The following WWC1 variants were observed in gnomAD, a reference collection of about 807,000 sequenced individuals.
WWC1 encodes protein KIBRA.
A neutral mutation model predicts 138.4 loss-of-function variants in WWC1; 55 were observed. That is an observed-to-expected ratio of 0.40 (90% CI 0.32 to 0.50). The LOEUF (loss-of-function observed/expected upper bound fraction) is 0.50, where lower values mean the gene tolerates loss of function less well. Ranked by LOEUF, WWC1 falls within the 20% of genes least tolerant of loss-of-function variation. The pLI is 0.72. For missense variants in WWC1, 1,226 were observed against 1,420.4 expected, an observed-to-expected ratio of 0.86 and a Z score of 2.20; for synonymous variants, 524 against 564.9, an observed-to-expected ratio of 0.93 and a Z score of 1.03.
rs369197420 is a variant in WWC1 at position 168,471,233 on chromosome 5, C to T, written c.*2216C>T. 1.2e-4 allele frequency: 18 copies of T among 152,770 alleles called. No homozygotes were observed. The highest frequency in any genetic ancestry group is 4.3e-4 in the African/African-American group (18 of 41,426). The allele number at this position is 152,770 out of a possible 1,614,324, so 9.5% of individuals were successfully genotyped here. On this transcript the variant is annotated 3_prime_UTR_variant, in exon 23 of 23. Transcript: ENST00000265293. ...TGGTGTAGAATCTACTCTTCTTCCC[C>T]CTGTGGCTTCCAGGCCCCCCTGTAT... is the stretch of plus-strand genomic sequence containing the variant.
chr5:168,293,156 C>G (rs1017360868), intron 1 of WWC1, among the ~76,000 whole-genome samples: 6 of 152,178 alleles, frequency 3.9e-5, no homozygotes, highest in Admixed American at 1.3e-4. Flanking sequence ...TCTTACCTCT[C>G]CAGACTTTCT....
At chr5:168,337,137 C>T (rs1773544630) in intron 1 of WWC1, among the ~76,000 whole-genome samples, 1 of 152,164 alleles carries the variant, frequency 6.6e-6, no homozygotes, top group South Asian at 2.1e-4. Flanking sequence ...GCCATCTACA[C>T]CAACTGATGC....
chr5:168,440,235 A>G (rs1365392217), intron 15 of WWC1, among the ~76,000 whole-genome samples: 1 of 152,250 alleles, frequency 6.6e-6, no homozygotes, highest in Non-Finnish European at 1.5e-5. Context: ...AGAGCAATGC[A>G]AATCAAAACC....
intron 11 of WWC1, among the ~76,000 whole-genome samples, chr5:168,424,663 G>A (rs1781368966): frequency 6.6e-6 from 1 of 152,184 alleles, no homozygotes; most frequent in Admixed American, 6.5e-5. Flanking sequence ...TCAGAGCAAG[G>A]GACTAGAAGG....
At chr5:168,338,507 G>A (rs977100189) in intron 1 of WWC1, among the ~76,000 whole-genome samples, 1 of 151,086 alleles carries the variant, frequency 6.6e-6, no homozygotes, top group Non-Finnish European at 1.5e-5. Flanking sequence ...CGCCTCCCGG[G>A]TTCAAGCGGT....
At chr5:168,406,816 C>G (rs551788726) in intron 6 of WWC1, among the ~76,000 whole-genome samples, 82 of 151,996 alleles carry the variant, frequency 5.4e-4, no homozygotes, top group Non-Finnish European at 9.4e-4. Context: ...GTGGCGGGCG[C>G]CTGTAGTCCC....
At chr5:168,366,963 A>C (rs1776345599) in intron 1 of WWC1, among the ~76,000 whole-genome samples, 1 of 151,414 alleles carries the variant, frequency 6.6e-6, no homozygotes, top group African/African-American at 2.4e-5. Flanking sequence ...ATGCCCAGCT[A>C]ATTTTTGTAT....
intron 1 of WWC1, among the ~76,000 whole-genome samples, chr5:168,356,101 G>A (rs1775392105): frequency 6.6e-6 from 1 of 152,242 alleles, no homozygotes; most frequent in South Asian, 2.1e-4. Context: ...GGTAGGACAT[G>A]GAGAGTGAAC....
Position 168,423,830 on chromosome 5 carries a change from G to A in WWC1, c.1572G>A (p.Leu524=), listed in dbSNP as rs1397625669. 5.6e-6 allele frequency: 9 copies of A among 1,613,992 alleles called. No individual in the cohort carries two copies. Among genetic ancestry groups the A allele is most frequent in the Middle Eastern group, 1.6e-4 (1 of 6,084 alleles). Residue 524 remains leucine, a synonymous_variant, in exon 11 of 23, where the codon CTG becomes CTA. Transcript: ENST00000265293. ...GCCGCCTGCAGGCTCTGCGTTCCCTGTCTGGCACCCCAAAGTCCATGACCT... is the reference window on the plus strand; with the variant it reads ...GCCGCCTGCAGGCTCTGCGTTCCCTATCTGGCACCCCAAAGTCCATGACCT... ...GGGRLQALRS[L]SGTPKSMTSL... is the part of the protein sequence containing the mutation.
At chr5:168,453,862 T>A in intron 17 of WWC1, 106 bp from the exon 18 acceptor site, 1 of 1,541,936 alleles carries the variant, frequency 6.5e-7, no homozygotes, top group South Asian at 1.2e-5. Context: ...AAAATATATC[T>A]TCAATCATCA....
rs1430774185 is a variant in WWC1 at position 168,472,274 on chromosome 5, A to G, written c.*3257A>G. On this transcript the variant is annotated 3_prime_UTR_variant, in exon 23 of 23. Coordinates refer to ENST00000265293, the MANE Select transcript of WWC1 (RefSeq NM_015238.3). ...CATTCCATTGTTTGCCTAGAGAGAA[A>G]TTTAAAAATAAATAAATGTTCACTT... 1 of 152,242 alleles carries G rather than the reference A, an allele frequency of 6.6e-6. No individual in the cohort carries two copies. The highest frequency in any genetic ancestry group is 1.5e-5 in the Non-Finnish European group (1 of 68,048). 9.4% of individuals were successfully genotyped at this position (152,242 alleles called of 1,614,324 possible).
intron 5 of WWC1, among the ~76,000 whole-genome samples, chr5:168,403,228 A>T (rs1182134448): frequency 1.3e-5 from 2 of 151,682 alleles, no homozygotes; most frequent in African/African-American, 4.8e-5. Context: ...CTCCTGACTA[A>T]ATGGGACTAC....
In WWC1 at chr5:168,423,755, C is replaced by T. The variant is rs1285254371; in HGVS notation, c.1497C>T (p.Thr499=). Residue 499 remains threonine, a synonymous_variant, in exon 11 of 23, where the codon ACC becomes ACT. Coordinates refer to ENST00000265293, the MANE Select transcript of WWC1 (RefSeq NM_015238.3). ...GCTTCCGGCCCTCAGGCTGCATCAC[C>T]ACCATCCACGAGGATGAGGTGGCCA... ...ATGFRPSGCI[T]TIHEDEVAKT... is the part of the protein sequence containing the mutation. 1 of 1,613,814 alleles carries T rather than the reference C, an allele frequency of 6.2e-7. No individual in the cohort carries two copies. The highest frequency in any genetic ancestry group is 1.3e-5 in the African/African-American group (1 of 74,922).
At chr5:168,457,945 A>G (rs1756478302) in intron 19 of WWC1, among the ~76,000 whole-genome samples, 1 of 152,226 alleles carries the variant, frequency 6.6e-6, no homozygotes, top group Non-Finnish European at 1.5e-5. Context: ...CTTGGGTGCA[A>G]GTCACCAGGT....
At position 168,357,181 on chromosome 5, in the gene WWC1, G is replaced by C. The variant is rs77873439; in HGVS notation, c.120-14243G>C. 6.2e-3 allele frequency among the ~76,000 whole-genome samples: 945 copies of C among 152,056 alleles called. 10 individuals are homozygous for C. The highest frequency in any genetic ancestry group is 0.022 in the African/African-American group (894 of 41,510). On this transcript the variant is annotated intron_variant, in intron 1 of 22. Coordinates refer to ENST00000265293, the MANE Select transcript of WWC1 (RefSeq NM_015238.3). ...ATTCCAATGAGATCTTTCTTTCTTT[G>C]TTCTTTTGTGAGTTCATTTATTCAT... is the stretch of plus-strand genomic sequence containing the variant.
At chr5:168,314,051 G>A (rs1561597440) in intron 1 of WWC1, among the ~76,000 whole-genome samples, 1 of 152,204 alleles carries the variant, frequency 6.6e-6, no homozygotes, top group East Asian at 1.9e-4. Flanking sequence ...CAGGGCTACA[G>A]AACACGGGAC....
At chr5:168,326,537 G>C (rs1287770978) in intron 1 of WWC1, among the ~76,000 whole-genome samples, 1 of 150,410 alleles carries the variant, frequency 6.6e-6, no homozygotes, top group Non-Finnish European at 1.5e-5. Flanking sequence ...AGTGTTATTT[G>C]TTGTTGTTGT....
Position 168,423,801 on chromosome 5 carries a change from G to T in WWC1, c.1543G>T (p.Gly515Cys). ...GGCCAAGACCCAGAAGGCAGAGGGA[G>T]GTGGCCGCCTGCAGGCTCTGCGTTC... ...EVAKTQKAEG[G>C]GRLQALRSLS... is the part of the protein sequence containing the mutation. The change falls in exon 11 of 23, where the codon GGT becomes TGT. Residue 515 changes from glycine (G) to cysteine (C), a missense_variant. By Grantham distance (159) the Gly-to-Cys change is radical. This residue lies in a region of WWC1 where 1,016 missense variants were observed against 1,153.9 expected (regional missense o/e 0.88). Transcript: ENST00000265293. The T allele has an allele frequency of 6.2e-7, 1 of 1,614,182 alleles. No individual in the cohort carries two copies. The highest frequency in any genetic ancestry group is 8.5e-7 in the Non-Finnish European group (1 of 1,180,036).
chr5:168,431,537 C>T, intron 15 of WWC1, 93 bp downstream of exon 15: 1 of 1,380,306 alleles, frequency 7.2e-7, no homozygotes, highest in Non-Finnish European at 9.7e-7. Flanking sequence ...GATTGGTCTA[C>T]CCTGAGCTTC....
Sources: allele counts gnomAD v4.1 joint callset (sites outside exome capture counted in the v4.1 genomes callset), GRCh38; gene constraint gnomAD v4.1.1; regional missense constraint gnomAD v4.1.1; transcripts MANE v1.5; gene names NCBI Gene and HGNC (gene_info 2026-07-23, HGNC 2026-07-21).